TYK2: variants seen among roughly 807,000 people sequenced by gnomAD.
TYK2 encodes tyrosine kinase 2.
Under a neutral mutation model 130.9 loss-of-function variants are expected in TYK2, and 65 were observed. The observed-to-expected ratio is 0.50, with a 90% CI of 0.41 to 0.61. The LOEUF (loss-of-function observed/expected upper bound fraction) is 0.61, where lower values mean the gene tolerates loss of function less well. TYK2 is among the 20% of genes least tolerant of loss of function. The pLI, the probability that TYK2 is intolerant of heterozygous loss-of-function variation, is 0.00. For synonymous variants in TYK2, 647 were observed against 658.9 expected (o/e 0.98, Z 0.28); for missense variants, 1,378 against 1,610.7 (o/e 0.86, Z 2.47).
chr19:10,368,998 G>A (rs374888982), intron 3 of TYK2, among the ~76,000 whole-genome samples: 3 of 152,014 alleles, frequency 2.0e-5, no homozygotes, highest in Non-Finnish European at 2.9e-5. Context: ...TAGAAGAGAC[G>A]AGGTTTCGCC....
rs1306555651 is a variant in TYK2, at chr19:10,350,787, C to T, written c.*47G>A. On this transcript the variant is annotated 3_prime_UTR_variant, in exon 25 of 25. Transcript: ENST00000525621. The stretch of plus-strand genomic sequence containing the variant: ...AGCAGGGAGCAGGAGGCTCCCTCTG[C>T]AGCCACTGCCTGGTCCAGTCCTCCC... The T allele has an allele frequency of 6.2e-7, 1 of 1,607,672 alleles. No homozygotes were observed. The highest frequency in any genetic ancestry group is 1.7e-5 in the Admixed American group (1 of 59,324).
At chr19:10,369,082 T>C (rs2041804383) in intron 3 of TYK2, among the ~76,000 whole-genome samples, 1 of 152,164 alleles carries the variant, frequency 6.6e-6, no homozygotes, top group Non-Finnish European at 1.5e-5. Context: ...GTGCTGAGAT[T>C]ACAGGCATGA....
chr19:10,352,399 C>G (rs768527919), intron 23 of TYK2, 35 bp downstream of exon 23: 5 of 1,428,748 alleles, frequency 3.5e-6, no homozygotes, highest in South Asian at 2.3e-5. Context: ...ATTGCTCTAG[C>G]AAACTCCCGG....
At chr19:10,377,026 C>T (rs2042145029) in intron 3 of TYK2, among the ~76,000 whole-genome samples, 1 of 151,958 alleles carries the variant, frequency 6.6e-6, no homozygotes, top group African/African-American at 2.4e-5. Context: ...CTCAGGCTCT[C>T]AAGTTGCTGG....
chr19:10,353,107 G>C lies in TYK2; in HGVS notation c.3028-9C>G. On this transcript the variant is annotated splice_polypyrimidine_tract_variant and intron_variant, in intron 21 of 24. Transcript: ENST00000525621. The surrounding 1 kb of genome is among the most constrained non-coding windows in gnomAD (Gnocchi z 6.9). ...TGCAGATAGGCCATGCCCTGGGGAC[G>C]GGGCAGGGCTCGTGAGTTTCAGTGG... 6.6e-7 allele frequency: 1 copy of C among 1,511,870 alleles called. No homozygotes were observed. Among genetic ancestry groups the C allele is most frequent in the South Asian group, 1.3e-5 (1 of 79,626 alleles). The allele number at this position is 1,511,870 out of a possible 1,614,324, so 93.7% of individuals were successfully genotyped here. A position where few individuals can be genotyped will look rare whatever the true frequency, so the allele number is the denominator to read the frequency against.
At position 10,359,160 on chromosome 19, in the gene TYK2, A is replaced by C. The variant is rs751511059; in HGVS notation, c.2175+15T>G. The C allele has an allele frequency of 1.9e-6, 3 of 1,600,408 alleles. No individual in the cohort carries two copies. The highest frequency in any genetic ancestry group is 2.5e-6 in the Non-Finnish European group (3 of 1,179,792). ...CCTCCCTGACCGACCCAGGCCCCACACACAGGCCACACACCAGGTAGCTGA... is the reference window on the plus strand; with the variant it reads ...CCTCCCTGACCGACCCAGGCCCCACCCACAGGCCACACACCAGGTAGCTGA... On this transcript the variant is annotated intron_variant, in intron 15 of 24. Transcript: ENST00000525621.
chr19:10,364,293 C>G lies in TYK2; in HGVS notation c.1367+321G>C, dbSNP rs941327045. On this transcript the variant is annotated intron_variant, in intron 9 of 24. Transcript: ENST00000525621. This position sits in a 1 kb window ranked among gnomAD's most constrained non-coding sequence, Gnocchi z 4.9. ...TGGGAGGCCGAGGCGGGTGGATCACCTGAGGTCAGGAGTTCAAGACTAGGT... is the reference window on the plus strand; with the variant it reads ...TGGGAGGCCGAGGCGGGTGGATCACGTGAGGTCAGGAGTTCAAGACTAGGT... Among the ~76,000 whole-genome samples the G allele has an allele frequency of 2.6e-5, 4 of 152,068 alleles. No homozygotes were observed. The highest frequency in any genetic ancestry group is 9.7e-5 in the African/African-American group (4 of 41,396).
In TYK2 at chr19:10,372,484, AT is replaced by A. The variant is rs1170442654; in HGVS notation, c.194-4067del. Among the ~76,000 whole-genome samples the A allele has an allele frequency of 3.6e-3, 136 of 37,410 alleles. 1 individual carries two copies. The highest frequency in any genetic ancestry group is 6.9e-3 in the South Asian group (6 of 870). 24.5% of individuals were successfully genotyped at this position (37,410 alleles called of 152,430 possible). ...TATATATATATATATATATATATAT[AT>A]TTTTTTTTTTTTTTTTTTTTTTGAG... is the stretch of plus-strand genomic sequence containing the variant. On this transcript the variant is annotated intron_variant, in intron 3 of 24. Coordinates refer to ENST00000525621, the MANE Select transcript of TYK2 (RefSeq NM_003331.5).
chr19:10,369,260 G>A (rs1239713326), intron 3 of TYK2, among the ~76,000 whole-genome samples: 1 of 151,994 alleles, frequency 6.6e-6, no homozygotes, highest in African/African-American at 2.4e-5. Context: ...GTCACCTCCT[G>A]GCTGTCTCCC....
chr19:10,357,517 C>A, intron 17 of TYK2: 1 of 712,588 alleles, frequency 1.4e-6, no homozygotes, highest in South Asian at 1.5e-5. Context: ...CTGCCCTGGT[C>A]ACTCTGCCTA....
Position 10,353,901 on chromosome 19 carries a change from C to A in TYK2, c.2908+141G>T. 1.0e-6 allele frequency: 1 copy of A among 963,694 alleles called. No individual in the cohort carries two copies. The highest frequency in any genetic ancestry group is 1.6e-6 in the Non-Finnish European group (1 of 631,786). The allele number at this position is 963,694 out of a possible 1,614,324, so 59.7% of individuals were successfully genotyped here. ...GAAGGAGGCAGCCCAGCCACGCTCA[C>A]CCAGATGCCAAGAACCGCGTACTGC... On this transcript the variant is annotated intron_variant, in intron 20 of 24. Coordinates refer to ENST00000525621, the MANE Select transcript of TYK2 (RefSeq NM_003331.5). The surrounding 1 kb of genome is among the most constrained non-coding windows in gnomAD (Gnocchi z 6.9).
At chr19:10,352,797 C>T in intron 22 of TYK2, 129 bp downstream of exon 22, 1 of 1,260,088 alleles carries the variant, frequency 7.9e-7, no homozygotes. Flanking sequence ...AGGCCCCACC[C>T]CCGCACCGCT....
At chr19:10,352,841 A>G (rs2040880550) in intron 22 of TYK2, 85 bp downstream of exon 22, 1 of 1,466,054 alleles carries the variant, frequency 6.8e-7, no homozygotes, top group Non-Finnish European at 9.2e-7. Flanking sequence ...ATCATGCCCT[A>G]TCATGATACC....
chr19:10,354,309 C>T, intron 19 of TYK2, 75 bp from the exon 20 acceptor site: 1 of 1,553,852 alleles, frequency 6.4e-7, no homozygotes, highest in Non-Finnish European at 8.8e-7. Flanking sequence ...ATTTCCCGGG[C>T]CACTCCTCCA....
chr19:10,368,124 T>C lies in TYK2; in HGVS notation c.396A>G (p.Ala132=), dbSNP rs1395839939. ...VYRCGPPGTE[A]SSDQTAQGMQ... ...TCCCCTGTGCTGTCTGATCTGAGGA[T>C]GCCTCGGTTCCTGGGGGCCCACAAC... Residue 132 remains alanine (A), a synonymous_variant, in exon 5 of 25, where the codon GCA becomes GCG. Coordinates refer to ENST00000525621, the MANE Select transcript of TYK2 (RefSeq NM_003331.5). 10 of 1,614,050 alleles carry C rather than the reference T, an allele frequency of 6.2e-6. No homozygotes were observed. The highest frequency in any genetic ancestry group is 8.5e-6 in the Non-Finnish European group (10 of 1,180,010).
chr19:10,358,218 G>A (rs1465846232), intron 15 of TYK2, 80 bp from the exon 16 acceptor site: 2 of 1,423,908 alleles, frequency 1.4e-6, no homozygotes, highest in East Asian at 5.0e-5. Context: ...CATAGGGACA[G>A]CCAATGTGAA....
rs796626748 is a variant in TYK2, at chr19:10,373,199, G to A, written c.194-4781C>T. 1.5e-4 allele frequency among the ~76,000 whole-genome samples: 22 copies of A among 151,542 alleles called. No individual in the cohort carries two copies. In the South Asian group the frequency reaches 1.5e-3, roughly 10 times the overall value. The stretch of plus-strand genomic sequence containing the variant: ...TTACAGGCGCCCGCCACCACGCCCG[G>A]CTAATTTTTTGTATTTTCAGTAGAG... On this transcript the variant is annotated intron_variant, in intron 3 of 24. Coordinates refer to ENST00000525621, the MANE Select transcript of TYK2 (RefSeq NM_003331.5).
intron 18 of TYK2, among the ~76,000 whole-genome samples, chr19:10,355,656 AAAG>A (rs2041060415): frequency 7.3e-6 from 1 of 137,640 alleles, no homozygotes; most frequent in Non-Finnish European, 1.5e-5. Context: ...AAAAAAAAAG[AAAG>A]AAAGAAAAAA....
Position 10,362,447 on chromosome 19 carries a change from C to G in TYK2, c.1486G>C (p.Gly496Arg). ...TTTCGGAGCCGCAAGCTCTGCATGC[C>G]GTCTGGTGCCTGGCAGGAGGTGGCA... Reference protein sequence around the residue: ...TVAQRSQAPDGMQSLRLRKFP... With the variant: ...TVAQRSQAPDRMQSLRLRKFP... The change falls in exon 11 of 25, where the codon GGC becomes CGC. Residue 496 changes from glycine (G) to arginine (R), a missense_variant. Gly to Arg is a moderately radical substitution (Grantham distance 125). Coordinates refer to ENST00000525621, the MANE Select transcript of TYK2 (RefSeq NM_003331.5). 6.2e-7 allele frequency: 1 copy of G among 1,601,344 alleles called. No homozygotes were observed. Among genetic ancestry groups the G allele is most frequent in the Non-Finnish European group, 8.5e-7 (1 of 1,172,798 alleles).
Sources: gnomAD v4.1 joint callset for allele counts (sites outside exome capture counted in the v4.1 genomes callset) on GRCh38, gnomAD v4.1.1 for gene constraint, Gnocchi (gnomAD v3.1) non-coding constraint, MANE v1.5 for transcripts, NCBI Gene and HGNC (gene_info 2026-07-23, HGNC 2026-07-21) for gene names.